OLFM3: variants seen among roughly 807,000 people sequenced by gnomAD.
The protein encoded by OLFM3 is olfactomedin 3.
In OLFM3, 20 loss-of-function variants were observed where a neutral mutation model predicts 48.6. The ratio of observed to expected loss-of-function variants is 0.41; its 90% CI spans 0.29 to 0.60. The LOEUF (loss-of-function observed/expected upper bound fraction) is 0.60, where lower values mean the gene tolerates loss of function less well. Among genes scored for constraint, OLFM3 ranks in the 20% least tolerant of loss-of-function variants. The probability of loss-of-function intolerance (pLI) is 0.28; values close to 1 mark genes in which losing one functional copy is unlikely to be tolerated. For missense variants in OLFM3, 437 were observed against 544.3 expected (o/e 0.80, Z 1.96); for synonymous variants, 222 against 198.1 (o/e 1.12, Z -1.01).
At chr1:101,938,288 G>A (rs1478919116) in intron 1 of OLFM3, among the ~76,000 whole-genome samples, 1 of 152,000 alleles carries the variant, frequency 6.6e-6, no homozygotes, top group Non-Finnish European at 1.5e-5. Context: ...TTACACATAG[G>A]CAACCCTAGC....
At chr1:101,923,793 G>A (rs373256477) in intron 1 of OLFM3, among the ~76,000 whole-genome samples, 1 of 151,878 alleles carries the variant, frequency 6.6e-6, no homozygotes, top group African/African-American at 2.4e-5. Flanking sequence ...CAGTTACAGT[G>A]GTTTCCCTTC....
At chr1:101,955,593 T>C (rs910533962) in intron 1 of OLFM3, among the ~76,000 whole-genome samples, 2 of 151,912 alleles carry the variant, frequency 1.3e-5, no homozygotes, top group African/African-American at 4.8e-5. Context: ...CTCACTTCTG[T>C]CTATTTTTTC....
At chr1:101,844,950 C>T (rs941899815) in intron 1 of OLFM3, among the ~76,000 whole-genome samples, 4 of 151,912 alleles carry the variant, frequency 2.6e-5, no homozygotes, top group African/African-American at 4.8e-5. Flanking sequence ...TTCTTCACCC[C>T]GGGAATCTTA....
intron 1 of OLFM3, among the ~76,000 whole-genome samples, chr1:101,967,589 T>TAAA (rs1660649727): frequency 6.4e-5 from 1 of 15,712 alleles, no homozygotes; most frequent in Non-Finnish European, 1.0e-4. Flanking sequence ...TCCTAGTCAG[T>TAAA]GAAAAAAAAA....
rs546327555 is a variant in OLFM3, at chr1:101,924,678, G to T, written c.69+72070C>A. 2.6e-4 allele frequency among the ~76,000 whole-genome samples: 40 copies of T among 152,210 alleles called. 1 individual carries two copies. The South Asian group carries it at 6.2e-3, about 24-fold the overall frequency. ...GCATCCTCCAAGTCACACCTAACTG[G>T]CTGCTTCTTGGGTCTCTCAATTTAA... On this transcript the variant is annotated intron_variant, in intron 1 of 5. Transcript: ENST00000370103.
chr1:101,928,350 T>C (rs1384312377), intron 1 of OLFM3, among the ~76,000 whole-genome samples: 1 of 152,112 alleles, frequency 6.6e-6, no homozygotes, highest in Non-Finnish European at 1.5e-5. Context: ...TTTGTAGGAT[T>C]ATAGAGGTTT....
At chr1:101,932,243 T>C (rs1659465740) in intron 1 of OLFM3, among the ~76,000 whole-genome samples, 1 of 152,232 alleles carries the variant, frequency 6.6e-6, no homozygotes, top group Non-Finnish European at 1.5e-5. Flanking sequence ...TGGGTTCATC[T>C]TCAGATATTC....
chr1:101,907,184 CT>C (rs1412419099), intron 1 of OLFM3, among the ~76,000 whole-genome samples: 3 of 152,058 alleles, frequency 2.0e-5, no homozygotes, highest in African/African-American at 7.2e-5. Context: ...AAATCATAAA[CT>C]TAATGAGATA....
intron 1 of OLFM3, among the ~76,000 whole-genome samples, chr1:101,968,440 G>A (rs1356553488): frequency 2.0e-5 from 3 of 149,146 alleles, no homozygotes; most frequent in African/African-American, 4.9e-5. Flanking sequence ...TGTAGATGAT[G>A]TGTAGCACTA....
intron 1 of OLFM3, among the ~76,000 whole-genome samples, chr1:101,884,509 A>T (rs766637817): frequency 6.6e-6 from 1 of 151,990 alleles, no homozygotes; most frequent in African/African-American, 2.4e-5. Flanking sequence ...CAAACAAAAA[A>T]AAACAGACAA....
At chr1:101,946,680 C>A (rs1163329702) in intron 1 of OLFM3, among the ~76,000 whole-genome samples, 1 of 152,082 alleles carries the variant, frequency 6.6e-6, no homozygotes, top group African/African-American at 2.4e-5. Context: ...TCAGGCACTG[C>A]CAATAATGAA....
intron 3 of OLFM3, among the ~76,000 whole-genome samples, chr1:101,829,770 C>A (rs1655053301): frequency 6.6e-6 from 1 of 152,172 alleles, no homozygotes; most frequent in South Asian, 2.1e-4. Flanking sequence ...TGTGCTATGC[C>A]TAGGTAAGGC....
chr1:101,917,693 G>A (rs1435466988), intron 1 of OLFM3, among the ~76,000 whole-genome samples: 4 of 152,060 alleles, frequency 2.6e-5, no homozygotes, highest in African/African-American at 7.2e-5. Flanking sequence ...CTGGGATTAT[G>A]GGCATGAGCC....
At chr1:101,940,434 ATTT>A in intron 1 of OLFM3, among the ~76,000 whole-genome samples, 1 of 151,380 alleles carries the variant, frequency 6.6e-6, no homozygotes, top group Non-Finnish European at 1.5e-5. Context: ...ATTTTTTAAA[ATTT>A]TTATCTATCT....
chr1:101,865,300 A>C (rs1656815750), intron 1 of OLFM3, among the ~76,000 whole-genome samples: 1 of 152,170 alleles, frequency 6.6e-6, no homozygotes, highest in South Asian at 2.1e-4. Context: ...GTCATGAGAG[A>C]ATATAATGGC....
intron 1 of OLFM3, among the ~76,000 whole-genome samples, chr1:101,880,408 C>G (rs1657474636): frequency 6.6e-6 from 1 of 151,800 alleles, no homozygotes; most frequent in African/African-American, 2.4e-5. Context: ...GGAAAGCTGA[C>G]TGCTGCTGTA....
chr1:101,903,077 G>C (rs1275924523), intron 1 of OLFM3, among the ~76,000 whole-genome samples: 4 of 152,046 alleles, frequency 2.6e-5, no homozygotes, highest in Admixed American at 2.0e-4. Context: ...TCCAGAATGT[G>C]ATAACAAAGA....
chr1:101,807,639 T>G (rs1421307715), intron 4 of OLFM3, among the ~76,000 whole-genome samples: 1 of 151,856 alleles, frequency 6.6e-6, no homozygotes, highest in African/African-American at 2.4e-5. Context: ...ACATTATATT[T>G]TGCACTACTA....
intron 4 of OLFM3, among the ~76,000 whole-genome samples, chr1:101,814,485 T>C (rs1654232731): frequency 6.6e-6 from 1 of 152,158 alleles, no homozygotes; most frequent in South Asian, 2.1e-4. Flanking sequence ...ACTGGGGAGC[T>C]ACTTGATATT....
Sources: allele counts gnomAD v4.1 joint callset (sites outside exome capture counted in the v4.1 genomes callset), GRCh38; gene constraint gnomAD v4.1.1; transcripts MANE v1.5; gene names NCBI Gene and HGNC (gene_info 2026-07-23, HGNC 2026-07-21).